The following TRAPPC9 variants were observed in gnomAD, a reference collection of about 807,000 sequenced individuals.
The protein encoded by TRAPPC9 is IKK2 binding protein.
TRAPPC9 carries 83 observed loss-of-function variants against 124.0 expected under a neutral mutation model. The ratio of observed to expected loss-of-function variants is 0.67; its 90% confidence interval spans 0.56 to 0.80. The LOEUF (loss-of-function observed/expected upper bound fraction) is 0.80, where lower values mean the gene tolerates loss of function less well. Ranked by LOEUF, TRAPPC9 falls within the 30% of genes least tolerant of loss-of-function variation. The pLI, the probability that TRAPPC9 is intolerant of heterozygous loss-of-function variation, is 0.00. For synonymous variants in TRAPPC9, 638 were observed against 617.5 expected, an observed-to-expected ratio of 1.03 and a Z score of -0.49; for missense variants, 1,302 against 1,508.3, an observed-to-expected ratio of 0.86 and a Z score of 2.27.
intron 19 of TRAPPC9, among the ~76,000 whole-genome samples, chr8:139,917,483 A>G (rs1832227373): frequency 6.6e-6 from 1 of 152,096 alleles, no homozygotes; most frequent in African/African-American, 2.4e-5. Context: ...CCCGGCCATT[A>G]TTATTTTCAA....
Position 139,969,267 on chromosome 8 carries a change from C to T in TRAPPC9, c.2810+19459G>A, listed in dbSNP as rs114489804. On this transcript the variant is annotated intron_variant, in intron 19 of 22. Transcript: ENST00000438773. ...CCACCCCAGGGCAGCTTCTGTGCCC[C>T]TCCTTGGATGCCCCCGCCTCCTGTG... Among the ~76,000 whole-genome samples, 750 of 152,376 alleles carry T rather than the reference C, an allele frequency of 4.9e-3. 3 individuals are homozygous for T. The highest frequency in any genetic ancestry group is 0.016 in the African/African-American group (679 of 41,598).
At chr8:140,129,018 A>G (rs1268952624) in intron 17 of TRAPPC9, among the ~76,000 whole-genome samples, 5 of 148,264 alleles carry the variant, frequency 3.4e-5, no homozygotes, top group Admixed American at 2.7e-4. Context: ...AAAAAAAAAG[A>G]AGACTCCTCT....
intron 19 of TRAPPC9, among the ~76,000 whole-genome samples, chr8:139,970,427 A>C (rs1835987008): frequency 6.6e-6 from 1 of 152,140 alleles, no homozygotes; most frequent in South Asian, 2.1e-4. Context: ...GAAGGAGAGG[A>C]TCAAGGGGAG....
At chr8:140,009,388 A>G (rs1838973938) in intron 18 of TRAPPC9, among the ~76,000 whole-genome samples, 1 of 152,260 alleles carries the variant, frequency 6.6e-6, no homozygotes, top group South Asian at 2.1e-4. Flanking sequence ...AATCATGTAT[A>G]TGATTTAAAT....
At position 139,899,658 on chromosome 8, in the gene TRAPPC9, C is replaced by T. The variant is rs552807003; in HGVS notation, c.2964+10489G>A. ...ATAATTACCCCCAAGAGAGAGGCCC[C>T]ATCCCATCTTCCTTCTCTGCAAGCT... On this transcript the variant is annotated intron_variant, in intron 20 of 22. Transcript: ENST00000438773. 1.8e-3 allele frequency among the ~76,000 whole-genome samples: 278 copies of T among 152,294 alleles called. 2 individuals carry two copies. Among genetic ancestry groups the T allele is most frequent in the African/African-American group, 6.5e-3 (269 of 41,568 alleles).
At position 140,275,736 on chromosome 8, in the gene TRAPPC9, G is replaced by T; in HGVS notation, c.2200C>A (p.Leu734Ile). ...VQLYNGESQQ[L>I]IIKLENIGME... The stretch of plus-strand genomic sequence containing the variant: ...CCAATATTTTCCAATTTAATGATTA[G>T]TTGCTGACTTTCTCCATTGTAAAGC... The change falls in exon 15 of 23, where the codon CTA becomes ATA. Residue 734 changes from leucine (L) to isoleucine (I), a missense_variant. By Grantham distance (5) the Leu-to-Ile change is conservative. Around this residue, in one of 3 missense-constraint regions of TRAPPC9, gnomAD observed 640 missense variants for 679.3 expected, o/e 0.94. Coordinates refer to ENST00000438773, the MANE Select transcript of TRAPPC9 (RefSeq NM_001160372.4). 3.1e-6 allele frequency: 5 copies of T among 1,613,862 alleles called. No individual in the cohort carries two copies. Among genetic ancestry groups the T allele is most frequent in the Non-Finnish European group, 4.2e-6 (5 of 1,179,768 alleles).
chr8:140,402,533 A>G (rs2069314860), intron 6 of TRAPPC9, among the ~76,000 whole-genome samples: 1 of 152,166 alleles, frequency 6.6e-6, no homozygotes, highest in Admixed American at 6.5e-5. Context: ...ATCTCTACAA[A>G]AAATACAAAA....
intron 20 of TRAPPC9, among the ~76,000 whole-genome samples, chr8:139,896,153 A>C (rs531953570): frequency 6.6e-6 from 1 of 152,272 alleles, no homozygotes; most frequent in South Asian, 2.1e-4. Context: ...AGCCACCCAA[A>C]CAGTCTTGCA....
chr8:139,999,598 C>T (rs187918523), intron 18 of TRAPPC9, among the ~76,000 whole-genome samples: 6 of 152,150 alleles, frequency 3.9e-5, no homozygotes, highest in Non-Finnish European at 8.8e-5. Context: ...ACACTCCACC[C>T]ACCAAGAGCA....
At chr8:140,375,497 G>C (rs1476831544) in intron 7 of TRAPPC9, among the ~76,000 whole-genome samples, 1 of 152,170 alleles carries the variant, frequency 6.6e-6, no homozygotes, top group East Asian at 1.9e-4. Context: ...TCCAGACACA[G>C]GACTTGTCTC....
At chr8:139,862,252 T>G (rs891039569) in intron 21 of TRAPPC9, among the ~76,000 whole-genome samples, 1 of 152,262 alleles carries the variant, frequency 6.6e-6, no homozygotes, top group Non-Finnish European at 1.5e-5. Context: ...CTGCTGCCTG[T>G]GTTTGCCCTG....
chr8:139,852,783 G>A (rs934761509), intron 21 of TRAPPC9, among the ~76,000 whole-genome samples: 5 of 152,194 alleles, frequency 3.3e-5, no homozygotes, highest in African/African-American at 1.2e-4. Context: ...CTGGTTGGCA[G>A]ATGTGTGTTT....
chr8:140,000,143 A>G (rs2131788487), intron 18 of TRAPPC9, among the ~76,000 whole-genome samples: 1 of 152,332 alleles, frequency 6.6e-6, no homozygotes, highest in Non-Finnish European at 1.5e-5. Context: ...AGGATTCCCT[A>G]TTTAATAAGT....
intron 17 of TRAPPC9, among the ~76,000 whole-genome samples, chr8:140,120,482 C>A (rs1232165938): frequency 3.9e-5 from 6 of 152,212 alleles, no homozygotes; most frequent in Non-Finnish European, 7.3e-5. Flanking sequence ...TTCCATACAG[C>A]TTTTCTGCAA....
chr8:140,411,359 G>A (rs1385467391), intron 5 of TRAPPC9, among the ~76,000 whole-genome samples: 1 of 152,172 alleles, frequency 6.6e-6, no homozygotes, highest in Non-Finnish European at 1.5e-5. Flanking sequence ...CTATGTTTTT[G>A]AGATGGAGTC....
chr8:140,296,849 G>A (rs190011708), intron 11 of TRAPPC9, among the ~76,000 whole-genome samples: 126 of 152,314 alleles, frequency 8.3e-4, no homozygotes, highest in Non-Finnish European at 1.4e-3. Context: ...CAAAAGTTCC[G>A]TAGGGGAGAC....
chr8:139,982,159 A>G (rs1836946784), intron 19 of TRAPPC9, among the ~76,000 whole-genome samples: 1 of 152,178 alleles, frequency 6.6e-6, no homozygotes, highest in African/African-American at 2.4e-5. Flanking sequence ...TGCTGCCAAC[A>G]CTGTATTTTC....
intron 21 of TRAPPC9, among the ~76,000 whole-genome samples, chr8:139,747,515 G>C (rs1352374321): frequency 8.2e-6 from 1 of 121,916 alleles, no homozygotes; most frequent in South Asian, 3.0e-4. Flanking sequence ...AGAAGATGCA[G>C]GGGGTACACA....
chr8:140,288,992 C>T (rs1003358076), intron 12 of TRAPPC9, among the ~76,000 whole-genome samples: 3 of 152,032 alleles, frequency 2.0e-5, no homozygotes, highest in African/African-American at 4.8e-5. Context: ...GTTGGGAGCC[C>T]GAGTTCTCAC....
Sources: gnomAD v4.1 joint callset for allele counts (sites outside exome capture counted in the v4.1 genomes callset) on GRCh38, gnomAD v4.1.1 for gene constraint, gnomAD v4.1.1 regional missense constraint, MANE v1.5 for transcripts, NCBI Gene and HGNC (gene_info 2026-07-23, HGNC 2026-07-21) for gene names.